The following UMAD1 variants were observed in gnomAD, a reference collection of about 807,000 sequenced individuals.
The protein encoded by UMAD1 is UBAP1-MVB12-associated (UMA)-domain containing protein 1.
Under a neutral mutation model 6.1 loss-of-function variants are expected in UMAD1, and 8 were observed. The observed-to-expected ratio is 1.30, with a 90% CI of 0.76 to 2.35. The LOEUF is 2.35. UMAD1 is among the 30% of genes most tolerant of loss of function. The pLI is 0.00. For missense variants in UMAD1, 130 were observed against 78.4 expected (o/e 1.66, Z -2.49); for synonymous variants, 56 against 31.4 (o/e 1.78, Z -2.61).
chr7:7,723,292 C>A (rs1039955871), intron 2 of UMAD1, among the ~76,000 whole-genome samples: 2 of 152,134 alleles, frequency 1.3e-5, no homozygotes, highest in African/African-American at 2.4e-5. Flanking sequence ...GTGGAAGGAA[C>A]ATAGAGTTAG....
intron 2 of UMAD1, among the ~76,000 whole-genome samples, chr7:7,776,718 T>A (rs914582439): frequency 6.6e-6 from 1 of 152,320 alleles, no homozygotes; most frequent in East Asian, 1.9e-4. Context: ...CAATTTAACA[T>A]TGTATTGTTG....
intron 1 of UMAD1, among the ~76,000 whole-genome samples, chr7:7,670,489 C>T (rs542333066): frequency 6.6e-6 from 1 of 152,316 alleles, no homozygotes; most frequent in Non-Finnish European, 1.5e-5. Context: ...AGCTGGTAAA[C>T]AGCCCTAACG....
chr7:7,755,690 A>T (rs932505594), intron 2 of UMAD1, among the ~76,000 whole-genome samples: 1 of 152,218 alleles, frequency 6.6e-6, no homozygotes, highest in African/African-American at 2.4e-5. Context: ...AGAAAAATTT[A>T]AGATTAAAAA....
intron 2 of UMAD1, among the ~76,000 whole-genome samples, chr7:7,680,236 G>T (rs1304202851): frequency 3.3e-5 from 5 of 152,028 alleles, no homozygotes; most frequent in Admixed American, 3.3e-4. Context: ...AGAGATAGGG[G>T]TCTAGTTTTA....
chr7:7,773,040 T>C lies in UMAD1; in HGVS notation c.83-28630T>C, dbSNP rs75709800. On this transcript the variant is annotated intron_variant, in intron 2 of 3. Transcript: ENST00000682710. ...TCATTTAGCTCTAGGAAACATGAGA[T>C]GCTCTGCTATAGAATAATTGCTTGT... Among the ~76,000 whole-genome samples the C allele has an allele frequency of 7.7e-3, 1,169 of 152,344 alleles. 26 individuals are homozygous for C. The highest frequency in any genetic ancestry group is 0.027 in the African/African-American group (1,118 of 41,580).
At position 7,766,958 on chromosome 7, in the gene UMAD1, C is replaced by A. The variant is rs1781996041; in HGVS notation, c.83-34712C>A. ...TATTTTGGTGGATTCTATAGGCATT[C>A]TTGCCTATTCTGCTTTCATAAATCC... On this transcript the variant is annotated intron_variant, in intron 2 of 3. Transcript: ENST00000682710. Among the ~76,000 whole-genome samples the A allele has an allele frequency of 3.3e-5, 5 of 152,036 alleles. No homozygotes were observed. In the South Asian group the frequency reaches 1.0e-3, roughly 32 times the overall value.
chr7:7,725,418 A>T (rs1781121600), intron 2 of UMAD1, among the ~76,000 whole-genome samples: 1 of 152,118 alleles, frequency 6.6e-6, no homozygotes, highest in Non-Finnish European at 1.5e-5. Flanking sequence ...TAGGGATGCT[A>T]TTTGGAGCCT....
chr7:7,707,322 C>T (rs1405433338), intron 2 of UMAD1, among the ~76,000 whole-genome samples: 1 of 152,132 alleles, frequency 6.6e-6, no homozygotes, highest in African/African-American at 2.4e-5. Context: ...AAAATATCCT[C>T]TAGGTATCAA....
chr7:7,673,394 C>T lies in UMAD1; in HGVS notation c.23C>T (p.Pro8Leu). The T allele has an allele frequency of 8.5e-7, 1 of 1,182,042 alleles. No homozygotes were observed. Among genetic ancestry groups the T allele is most frequent in the Non-Finnish European group, 1.2e-6 (1 of 821,308 alleles). 73.2% of individuals were successfully genotyped at this position (1,182,042 alleles called of 1,614,324 possible). The change falls in exon 2 of 4, where the codon CCT becomes CTT. Residue 8 changes from proline (P) to leucine (L), a missense_variant. Coordinates refer to ENST00000682710, the MANE Select transcript of UMAD1 (RefSeq NM_001302348.2). MFHFFRKPPESKKPSVPE... is the reference protein window; with the variant it reads MFHFFRKLPESKKPSVPE... The stretch of plus-strand genomic sequence containing the variant: ...GCAATGTTTCACTTCTTCAGAAAGC[C>T]TCCGGAATCTAAAAAGCCCTCAGTA...
chr7:7,869,717 A>G lies in UMAD1; in HGVS notation c.157-7564A>G, dbSNP rs192237978. On this transcript the variant is annotated intron_variant, in intron 3 of 3. Transcript: ENST00000682710. ...TATAGCTAAGTAGATGAGGTCTCCAATTGTTAGTGCGTCTGCAAAGTTGGC... is the reference window on the plus strand; with the variant it reads ...TATAGCTAAGTAGATGAGGTCTCCAGTTGTTAGTGCGTCTGCAAAGTTGGC... Among the ~76,000 whole-genome samples the G allele has an allele frequency of 1.9e-3, 287 of 152,306 alleles. 1 individual carries two copies. Among genetic ancestry groups the G allele is most frequent in the Middle Eastern group, 0.014 (4 of 294 alleles).
At position 7,758,913 on chromosome 7, in the gene UMAD1, G is replaced by A. The variant is rs78203179; in HGVS notation, c.83-42757G>A. On this transcript the variant is annotated intron_variant, in intron 2 of 3. Transcript: ENST00000682710. ...AGTTTTTGTACATATCTTGCTTCAC[G>A]GATCTTTGTAGCTTTGGTTTTGTTG... Among the ~76,000 whole-genome samples, 816 of 152,206 alleles carry A rather than the reference G, an allele frequency of 5.4e-3. 13 individuals carry two copies. The highest frequency in any genetic ancestry group is 0.027 in the Admixed American group (414 of 15,284).
chr7:7,649,945 A>G (rs1242919385), intron 1 of UMAD1, among the ~76,000 whole-genome samples: 2 of 152,346 alleles, frequency 1.3e-5, no homozygotes, highest in Admixed American at 1.3e-4. Context: ...CATTCATCAG[A>G]CACTGAATAT....
intron 2 of UMAD1, among the ~76,000 whole-genome samples, chr7:7,751,194 C>T (rs947868214): frequency 6.6e-5 from 10 of 152,244 alleles, no homozygotes; most frequent in African/African-American, 1.9e-4. Flanking sequence ...TGAGCTCTGT[C>T]GTTGACTATA....
chr7:7,717,689 A>G (rs1182872962), intron 2 of UMAD1, among the ~76,000 whole-genome samples: 1 of 152,218 alleles, frequency 6.6e-6, no homozygotes, highest in Non-Finnish European at 1.5e-5. Context: ...GTATTTGGAA[A>G]ACTACTTGTA....
chr7:7,752,201 TA>T (rs907241969), intron 2 of UMAD1, among the ~76,000 whole-genome samples: 14 of 152,170 alleles, frequency 9.2e-5, no homozygotes, highest in Admixed American at 7.2e-4. Flanking sequence ...AAGCATGTTG[TA>T]AAAAAATAGA....
At chr7:7,652,242 A>G (rs963128727) in intron 1 of UMAD1, among the ~76,000 whole-genome samples, 3 of 152,150 alleles carry the variant, frequency 2.0e-5, no homozygotes, top group Admixed American at 2.0e-4. Context: ...CATTCCTTTG[A>G]TAGGATTTCC....
chr7:7,688,811 C>T (rs1019818661), intron 2 of UMAD1, among the ~76,000 whole-genome samples: 76 of 152,144 alleles, frequency 5.0e-4, no homozygotes, highest in Admixed American at 3.3e-4. Context: ...AAAAGCTGAT[C>T]CTCAGTCTGT....
At chr7:7,715,434 A>G (rs1780877346) in intron 2 of UMAD1, among the ~76,000 whole-genome samples, 1 of 152,182 alleles carries the variant, frequency 6.6e-6, no homozygotes, top group African/African-American at 2.4e-5. Flanking sequence ...GTTCCCTGAT[A>G]AGTAACTTAG....
chr7:7,778,626 A>G (rs1197004431), intron 2 of UMAD1, among the ~76,000 whole-genome samples: 2 of 151,944 alleles, frequency 1.3e-5, no homozygotes. Context: ...CTGTTGCCCA[A>G]AGTAGTTTCA....
Sources: gnomAD v4.1 joint callset for allele counts (sites outside exome capture counted in the v4.1 genomes callset) on GRCh38, gnomAD v4.1.1 for gene constraint, MANE v1.5 for transcripts, NCBI Gene and HGNC (gene_info 2026-07-23, HGNC 2026-07-21) for gene names.